The following TBC1D14 variants were observed in gnomAD, a reference collection of about 807,000 sequenced individuals.
TBC1D14 encodes TBC1 domain family member 14.
TBC1D14 carries 26 observed loss-of-function variants against 79.0 expected under a neutral mutation model. The observed-to-expected ratio is 0.33, with a 90% CI of 0.24 to 0.46. The LOEUF (loss-of-function observed/expected upper bound fraction) is 0.46. Among genes scored for constraint, TBC1D14 ranks in the 20% least tolerant of loss-of-function variants. The pLI is 1.00. For missense variants in TBC1D14, 769 were observed against 887.6 expected (o/e 0.87, Z 1.70); for synonymous variants, 394 against 349.9 (o/e 1.13, Z -1.40).
chr4:7,014,042 C>T (rs906168208), intron 11 of TBC1D14, among the ~76,000 whole-genome samples: 4 of 152,240 alleles, frequency 2.6e-5, no homozygotes, highest in African/African-American at 9.6e-5. Flanking sequence ...AGCCACCGCA[C>T]CCGGCCTCCA....
Position 6,994,520 on chromosome 4 carries a change from G to A in TBC1D14, c.962+218G>A, listed in dbSNP as rs570736194. 8.5e-5 allele frequency among the ~76,000 whole-genome samples: 13 copies of A among 152,220 alleles called. No individual in the cohort carries two copies. In the South Asian group the frequency reaches 1.7e-3, roughly 19 times the overall value. The stretch of plus-strand genomic sequence containing the variant: ...ATAGAAGTTTTGACCAGGATTTTCC[G>A]TTCAGGTAATTTTTCTTTTTACTTT... On this transcript the variant is annotated intron_variant, in intron 4 of 13. Coordinates refer to ENST00000409757, the MANE Select transcript of TBC1D14 (RefSeq NM_020773.3).
At chr4:6,918,452 T>C (rs1428426640) in intron 1 of TBC1D14, among the ~76,000 whole-genome samples, 1 of 152,230 alleles carries the variant, frequency 6.6e-6, no homozygotes, top group East Asian at 1.9e-4. Context: ...CACACGTTCA[T>C]TGGGCACCTG....
intron 3 of TBC1D14, among the ~76,000 whole-genome samples, chr4:6,990,218 G>T (rs1463552394): frequency 1.3e-5 from 2 of 152,234 alleles, no homozygotes; most frequent in Non-Finnish European, 2.9e-5. Context: ...GGAGGCTGAG[G>T]TGGGTGGATC....
Position 6,996,306 on chromosome 4 carries a change from T to G in TBC1D14, c.963-19T>G, listed in dbSNP as rs933272958. The G allele has an allele frequency of 6.2e-7, 1 of 1,604,732 alleles. No individual in the cohort carries two copies. Among genetic ancestry groups the G allele is most frequent in the Admixed American group, 1.7e-5 (1 of 59,842 alleles). Reference sequence around the variant, plus strand: ...ATGCGGTATTTATAATGGTGAAAACTCATTTCTTTCCTGTCAAGAAATCTC... The same window carrying G: ...ATGCGGTATTTATAATGGTGAAAACGCATTTCTTTCCTGTCAAGAAATCTC... On this transcript the variant is annotated intron_variant, in intron 4 of 13. Transcript: ENST00000409757.
At chr4:6,993,348 G>A (rs1718700535) in intron 3 of TBC1D14, among the ~76,000 whole-genome samples, 1 of 152,190 alleles carries the variant, frequency 6.6e-6, no homozygotes, top group African/African-American at 2.4e-5. Flanking sequence ...GCTCTCCTGA[G>A]TTCTTCCAGC....
chr4:7,027,695 C>T lies in TBC1D14; in HGVS notation c.2016+2433C>T, dbSNP rs559232918. On this transcript the variant is annotated intron_variant, in intron 13 of 13. Transcript: ENST00000409757. ...CAATCACACACCCACACAAAATCAC[C>T]CCCCACACATCACACAACCACACAC... Among the ~76,000 whole-genome samples the T allele has an allele frequency of 8.4e-5, 10 of 118,378 alleles. 1 individual carries two copies. Among genetic ancestry groups the T allele is most frequent in the Admixed American group, 7.9e-4 (9 of 11,346 alleles). 77.7% of individuals were successfully genotyped at this position (118,378 alleles called of 152,430 possible).
At chr4:6,962,072 G>A (rs933309264) in intron 2 of TBC1D14, among the ~76,000 whole-genome samples, 7 of 152,158 alleles carry the variant, frequency 4.6e-5, no homozygotes, top group Non-Finnish European at 1.0e-4. Context: ...AAGAAGAAAT[G>A]GTTCTCCTCT....
chr4:7,005,012 A>T lies in TBC1D14; in HGVS notation c.1351+88A>T, dbSNP rs147498627. On this transcript the variant is annotated intron_variant, in intron 8 of 13. Coordinates refer to ENST00000409757, the MANE Select transcript of TBC1D14 (RefSeq NM_020773.3). ...ATAGTGAAGAAAGTTGACGTTAACT[A>T]CAGTAGAGATTGTTGTGGAGTCATA... The T allele has an allele frequency of 4.5e-4, 546 of 1,210,660 alleles. 4 individuals carry two copies. In the African/African-American group the frequency reaches 7.3e-3, roughly 16 times the overall value. 75.0% of individuals were successfully genotyped at this position (1,210,660 alleles called of 1,614,324 possible).
intron 1 of TBC1D14, among the ~76,000 whole-genome samples, chr4:6,921,270 T>C (rs1303015819): frequency 2.0e-5 from 3 of 152,180 alleles, no homozygotes; most frequent in East Asian, 1.9e-4. Context: ...AGTGGTGTTA[T>C]CAGGGTTCAC....
chr4:6,977,830 A>T (rs28565002), intron 3 of TBC1D14, among the ~76,000 whole-genome samples: 1 of 146,752 alleles, frequency 6.8e-6, no homozygotes, highest in Admixed American at 6.7e-5. Context: ...CCATCTAGGA[A>T]GTGAGGAGCG....
chr4:7,006,205 G>A (rs559447174), intron 8 of TBC1D14, among the ~76,000 whole-genome samples: 2 of 152,188 alleles, frequency 1.3e-5, no homozygotes, highest in South Asian at 2.1e-4. Flanking sequence ...TATTACATGA[G>A]TATAATACCG....
chr4:6,988,647 C>G (rs56074877), intron 3 of TBC1D14, among the ~76,000 whole-genome samples: 1 of 152,180 alleles, frequency 6.6e-6, no homozygotes, highest in Non-Finnish European at 1.5e-5. Context: ...AATCTTGATA[C>G]TGCAGACAGC....
chr4:6,947,632 C>T (rs192056752), intron 2 of TBC1D14, among the ~76,000 whole-genome samples: 2 of 148,310 alleles, frequency 1.3e-5, no homozygotes, highest in African/African-American at 2.5e-5. Flanking sequence ...ACGGCACTCC[C>T]GCCTGGGCAG....
In TBC1D14 at chr4:6,950,340, C is replaced by T. The variant is rs569359686; in HGVS notation, c.723-16964C>T. 3.3e-5 allele frequency among the ~76,000 whole-genome samples: 5 copies of T among 152,330 alleles called. No individual in the cohort carries two copies. The South Asian group carries it at 8.3e-4, about 25-fold the overall frequency. ...CTTATCCATAGTTCATTTGGATCCT[C>T]TCTGTAGAAAATCGTCCTGTCTGTG... On this transcript the variant is annotated intron_variant, in intron 2 of 13. Transcript: ENST00000409757.
At chr4:7,029,598 G>A (rs546209403) in intron 13 of TBC1D14, among the ~76,000 whole-genome samples, 3 of 152,334 alleles carry the variant, frequency 2.0e-5, no homozygotes, top group Non-Finnish European at 2.9e-5. Flanking sequence ...AGGCCAAGGC[G>A]GGCGTATCAT....
At chr4:7,016,532 T>A (rs1721297024) in intron 12 of TBC1D14, among the ~76,000 whole-genome samples, 2 of 152,244 alleles carry the variant, frequency 1.3e-5, no homozygotes, top group Admixed American at 1.3e-4. Flanking sequence ...GGCTTCTGAT[T>A]AGTTTCTTAG....
chr4:6,993,759 C>T (rs1718737224), intron 3 of TBC1D14, among the ~76,000 whole-genome samples: 3 of 152,298 alleles, frequency 2.0e-5, no homozygotes, highest in Middle Eastern at 3.4e-3. Context: ...CCTGTAATGT[C>T]AGCACTTTGG....
intron 9 of TBC1D14, 73 bp from the exon 10 acceptor site, chr4:7,009,804 G>A (rs1720562084): frequency 1.4e-6 from 2 of 1,442,354 alleles, no homozygotes; most frequent in African/African-American, 1.4e-5. Context: ...GGCAGCAGTA[G>A]TAGTATCAGA....
intron 12 of TBC1D14, among the ~76,000 whole-genome samples, chr4:7,018,222 G>T (rs953416574): frequency 6.6e-6 from 1 of 152,174 alleles, no homozygotes; most frequent in African/African-American, 2.4e-5. Flanking sequence ...GCCTGGCGGG[G>T]TATAAAGCAT....
Sources: allele counts gnomAD v4.1 joint callset (sites outside exome capture counted in the v4.1 genomes callset), GRCh38; gene constraint gnomAD v4.1.1; transcripts MANE v1.5; gene names NCBI Gene and HGNC (gene_info 2026-07-23, HGNC 2026-07-21).